The following DDI2 variants were observed in gnomAD, a reference collection of about 807,000 sequenced individuals.
DDI2 encodes DDI proteasomal shuttling factor 2.
A neutral mutation model predicts 48.1 loss-of-function variants in DDI2; 5 were observed. The observed-to-expected ratio is 0.10, with a 90% CI of 0.05 to 0.22. DDI2 has a LOEUF of 0.22. Ranked by LOEUF, DDI2 falls within the 10% of genes least tolerant of loss-of-function variation. The pLI is 1.00. For synonymous variants in DDI2, 205 were observed against 183.6 expected (o/e 1.12, Z -0.94); for missense variants, 285 against 506.2 (o/e 0.56, Z 4.19).
intron 4 of DDI2, among the ~76,000 whole-genome samples, chr1:15,637,779 C>G (rs1639951465): frequency 6.6e-6 from 1 of 152,112 alleles, no homozygotes. Flanking sequence ...TATATGAGCA[C>G]TGTATACTAG....
At chr1:15,635,453 C>CTG (rs979498979) in intron 4 of DDI2, among the ~76,000 whole-genome samples, 7 of 152,256 alleles carry the variant, frequency 4.6e-5, no homozygotes, top group African/African-American at 1.7e-4. Flanking sequence ...TCGCCCAGGC[C>CTG]TGAGTTCAGT....
In DDI2 at chr1:15,660,716, A is replaced by G. The variant is rs765864437; in HGVS notation, c.*926A>G. The G allele has an allele frequency of 8.1e-6, 13 of 1,613,994 alleles. No individual in the cohort carries two copies. Among genetic ancestry groups the G allele is most frequent in the Non-Finnish European group, 1.1e-5 (13 of 1,179,994 alleles). On this transcript the variant is annotated 3_prime_UTR_variant, in exon 10 of 10. Transcript: ENST00000480945. ...ATTGGTGCATTGGATCTCACTTTAG[A>G]TAATCCCTTGATGGAAGTAGAAACA...
intron 3 of DDI2, 75 bp downstream of exon 3, chr1:15,630,636 C>A: frequency 1.0e-6 from 1 of 984,524 alleles, no homozygotes; most frequent in Non-Finnish European, 1.6e-6. Context: ...TGTGAAGAGA[C>A]TCAAGCGACA....
intron 8 of DDI2, 183 bp from the exon 9 acceptor site, chr1:15,656,434 T>C: frequency 6.8e-7 from 1 of 1,472,168 alleles, no homozygotes; most frequent in Non-Finnish European, 9.0e-7. Flanking sequence ...GCTGTGTGTA[T>C]TGTGAGAGAA....
chr1:15,635,093 G>C (rs1211836023), intron 4 of DDI2, among the ~76,000 whole-genome samples: 1 of 152,068 alleles, frequency 6.6e-6, no homozygotes, highest in Non-Finnish European at 1.5e-5. Context: ...GCCAGGTGTG[G>C]TGGCATGCAC....
At chr1:15,634,030 GT>G (rs915506587) in intron 4 of DDI2, 46 of 276,576 alleles carry the variant, frequency 1.7e-4, no homozygotes, top group Admixed American at 1.6e-3. Context: ...TCCTAAGTCT[GT>G]TTTCCTGCTG....
chr1:15,624,177 A>G (rs1639717019), intron 1 of DDI2, among the ~76,000 whole-genome samples: 2 of 152,250 alleles, frequency 1.3e-5, no homozygotes. Context: ...GGTTGTTGAC[A>G]GTGGCTTCAC....
chr1:15,660,341 A>G lies in DDI2; in HGVS notation c.*551A>G. 2 of 1,614,162 alleles carry G rather than the reference A, an allele frequency of 1.2e-6. No homozygotes were observed. Among genetic ancestry groups the G allele is most frequent in the Non-Finnish European group, 1.7e-6 (2 of 1,180,034 alleles). ...AAGGATTGGCATCCAGAAAATCAGA[A>G]CCTGAGTCAAGTGAGTGACCCTCAG... On this transcript the variant is annotated 3_prime_UTR_variant, in exon 10 of 10. Transcript: ENST00000480945.
chr1:15,660,154 C>A lies in DDI2; in HGVS notation c.*364C>A. On this transcript the variant is annotated 3_prime_UTR_variant, in exon 10 of 10. Transcript: ENST00000480945. Reference sequence around the variant, plus strand: ...TCCAACAGACCAGAGTCCAGCTATGCCTATGCAGAATTCATCCGAAGAAAT... The same window carrying A: ...TCCAACAGACCAGAGTCCAGCTATGACTATGCAGAATTCATCCGAAGAAAT... 6.2e-7 allele frequency: 1 copy of A among 1,614,198 alleles called. No homozygotes were observed.
intron 6 of DDI2, 57 bp downstream of exon 6, chr1:15,643,707 A>T (rs1009169843): frequency 1.3e-6 from 2 of 1,574,982 alleles, no homozygotes; most frequent in African/African-American, 2.7e-5. Context: ...TAGGTAGGGT[A>T]GTCGATTTTC....
chr1:15,627,931 T>A (rs139898996), intron 2 of DDI2, among the ~76,000 whole-genome samples: 57 of 152,300 alleles, frequency 3.7e-4, no homozygotes, highest in African/African-American at 1.3e-3. Context: ...GGGGCCACAG[T>A]TAAACTTTAG....
intron 6 of DDI2, among the ~76,000 whole-genome samples, chr1:15,645,867 CAA>C (rs562840511): frequency 1.3e-4 from 12 of 95,704 alleles, no homozygotes; most frequent in Non-Finnish European, 2.0e-4. Flanking sequence ...GAACTCGTCT[CAA>C]AAAAAAAAAA....
At position 15,659,955 on chromosome 1, in the gene DDI2, T is replaced by TG; in HGVS notation, c.*166dup. 1 of 1,614,218 alleles carries TG rather than the reference T, an allele frequency of 6.2e-7. No individual in the cohort carries two copies. The highest frequency in any genetic ancestry group is 8.5e-7 in the Non-Finnish European group (1 of 1,180,040). ...CTGATGTTGGTAATCCTATGAGTCT[T>TG]GCTCGCTCTGTCTCTGCTTCAGTCT... On this transcript the variant is annotated 3_prime_UTR_variant, in exon 10 of 10. Transcript: ENST00000480945.
chr1:15,624,882 G>A lies in DDI2; in HGVS notation c.139-1787G>A, dbSNP rs79259635. Among the ~76,000 whole-genome samples the A allele has an allele frequency of 8.7e-3, 1,332 of 152,242 alleles. 19 individuals are homozygous for A. Among genetic ancestry groups the A allele is most frequent in the African/African-American group, 0.029 (1,221 of 41,518 alleles). On this transcript the variant is annotated intron_variant, in intron 1 of 9. Transcript: ENST00000480945. ...CCAAGTGCTAGGATTATAGGCATGA[G>A]CCATCATACCAGATCTGAAATGTGT...
rs754927091 is a variant in DDI2 at position 15,649,725 on chromosome 1, G to C, written c.895G>C (p.Val299Leu). Residue 299 changes from valine (V) to leucine (L), a missense_variant, in exon 7 of 10, where the codon GTT becomes CTT. Physicochemically the swap from Val to Leu is conservative, Grantham distance 32. This residue lies in a region of DDI2 where 70 missense variants were observed against 182.3 expected (regional missense o/e 0.38). Coordinates refer to ENST00000480945, the MANE Select transcript of DDI2 (RefSeq NM_032341.5). ...TCTCTTCATGTGCTTTTTAGCTCAG[G>C]TTCAGATTGAAGGAGATTTTTTGCC... is the stretch of plus-strand genomic sequence containing the variant. Reference protein sequence around the residue: ...KIIGRVHLAQVQIEGDFLPCS... With the variant: ...KIIGRVHLAQLQIEGDFLPCS... 1 of 1,611,714 alleles carries C rather than the reference G, an allele frequency of 6.2e-7. No homozygotes were observed. Among genetic ancestry groups the C allele is most frequent in the Admixed American group, 1.7e-5 (1 of 59,444 alleles).
chr1:15,643,731 G>A (rs1219607304), intron 6 of DDI2, 81 bp downstream of exon 6: 2 of 1,528,156 alleles, frequency 1.3e-6, no homozygotes, highest in Non-Finnish European at 1.8e-6. Context: ...TTTTTAGAGG[G>A]TCTTTTGTTG....
intron 4 of DDI2, chr1:15,634,168 G>C (rs1478495726): frequency 5.6e-6 from 1 of 177,406 alleles, no homozygotes. Context: ...TAAAAATGCA[G>C]ATGCTTGGAC....
intron 2 of DDI2, among the ~76,000 whole-genome samples, chr1:15,628,907 CT>C (rs1173145986): frequency 1.3e-5 from 2 of 152,196 alleles, no homozygotes; most frequent in African/African-American, 4.8e-5. Flanking sequence ...TACTTTCTGT[CT>C]CTATGTATTT....
chr1:15,629,458 G>A (rs994559754), intron 2 of DDI2, among the ~76,000 whole-genome samples: 11 of 151,864 alleles, frequency 7.2e-5, no homozygotes, highest in African/African-American at 1.9e-4. Context: ...TTAGCTGGGC[G>A]TAGTGGCACA....
Sources: gnomAD v4.1 joint callset for allele counts (sites outside exome capture counted in the v4.1 genomes callset) on GRCh38, gnomAD v4.1.1 for gene constraint, gnomAD v4.1.1 regional missense constraint, MANE v1.5 for transcripts, NCBI Gene and HGNC (gene_info 2026-07-23, HGNC 2026-07-21) for gene names.